CEP128: variants seen among roughly 807,000 people sequenced by gnomAD.
CEP128 encodes the protein centrosomal protein 128, also known as centrosomal protein 128kDa.
A neutral mutation model predicts 156.7 loss-of-function variants in CEP128; 132 were observed. The ratio of observed to expected loss-of-function variants is 0.84; its 90% CI spans 0.73 to 0.97. The LOEUF is 0.97. Among genes scored for constraint, CEP128 ranks in the 50% least tolerant of loss-of-function variants. CEP128 has a pLI of 0.00. For synonymous variants in CEP128, 469 were observed against 448.9 expected (o/e 1.04, Z -0.57); for missense variants, 1,252 against 1,281.9 (o/e 0.98, Z 0.36).
At chr14:80,829,356 A>T (rs1885657940) in intron 13 of CEP128, among the ~76,000 whole-genome samples, 1 of 152,244 alleles carries the variant, frequency 6.6e-6, no homozygotes, top group Non-Finnish European at 1.5e-5. Context: ...CTCAAAAAGA[A>T]ATTTATTCTT....
At chr14:80,677,634 A>G (rs1000974834) in intron 19 of CEP128, among the ~76,000 whole-genome samples, 1 of 152,166 alleles carries the variant, frequency 6.6e-6, no homozygotes, top group Non-Finnish European at 1.5e-5. Context: ...TAGTTAAAAA[A>G]AAAATCACTT....
At chr14:80,570,245 G>A (rs1891081463) in intron 20 of CEP128, among the ~76,000 whole-genome samples, 1 of 152,076 alleles carries the variant, frequency 6.6e-6, no homozygotes, top group Non-Finnish European at 1.5e-5. Flanking sequence ...AGCCTCCTGA[G>A]TAGCTGGGAC....
At position 80,522,974 on chromosome 14, in the gene CEP128, G is replaced by A. The variant is rs188819992; in HGVS notation, c.3072+3895C>T. 7.3e-4 allele frequency among the ~76,000 whole-genome samples: 111 copies of A among 152,328 alleles called. 2 individuals are homozygous for A. The South Asian group carries it at 0.013, about 17-fold the overall frequency. On this transcript the variant is annotated intron_variant, in intron 23 of 24. Transcript: ENST00000555265. ...TCTCACAATTGTGGATGTTGGTCCTGCTCAAAATCTTGACAGGCTTCTAGA... is the reference window on the plus strand; with the variant it reads ...TCTCACAATTGTGGATGTTGGTCCTACTCAAAATCTTGACAGGCTTCTAGA...
rs1472353882 is a variant in CEP128, at chr14:80,785,148, T to A, written c.1958A>T (p.Glu653Val). The stretch of plus-strand genomic sequence containing the variant: ...CACTGCTTTCTTGGCTCTCTCTTCC[T>A]CAGCCAATTTATTAGCAAGATCTGC... ...IRADLANKLA[E>V]EERAKKAVLK... The change falls in exon 15 of 25, where the codon GAG (glutamate) becomes GTG (valine). Residue 653 changes from glutamate to valine, a missense_variant. Glu to Val is a moderately radical substitution (Grantham distance 121, BLOSUM62 -2). Coordinates refer to ENST00000555265, the MANE Select transcript of CEP128 (RefSeq NM_152446.5). The A allele has an allele frequency of 6.2e-7, 1 of 1,614,178 alleles. No individual in the cohort carries two copies. Among genetic ancestry groups the A allele is most frequent in the East Asian group, 2.2e-5 (1 of 44,886 alleles).
intron 21 of CEP128, 137 bp from the exon 22 acceptor site, chr14:80,531,023 T>C (rs1308012298): frequency 2.5e-6 from 1 of 403,374 alleles, no homozygotes; most frequent in South Asian, 9.1e-5. Flanking sequence ...TAAGAACATA[T>C]ATAATAGTAT....
intron 19 of CEP128, among the ~76,000 whole-genome samples, chr14:80,705,532 G>A (rs1326283101): frequency 6.6e-6 from 1 of 152,118 alleles, no homozygotes; most frequent in Non-Finnish European, 1.5e-5. Context: ...AGAGGTTGAA[G>A]AAAAGTGGGG....
At chr14:80,583,785 G>C (rs1891689348) in intron 19 of CEP128, among the ~76,000 whole-genome samples, 1 of 152,038 alleles carries the variant, frequency 6.6e-6, no homozygotes, top group Non-Finnish European at 1.5e-5. Context: ...AGCTTTTGTT[G>C]GATTACTGCC....
chr14:80,901,430 A>G (rs1883556904), intron 6 of CEP128, among the ~76,000 whole-genome samples: 1 of 152,258 alleles, frequency 6.6e-6, no homozygotes, highest in Middle Eastern at 3.2e-3. Flanking sequence ...TATTAGTGCC[A>G]GCTACTGAGA....
intron 2 of CEP128, chr14:80,955,627 C>G (rs1158566944): frequency 1.2e-6 from 2 of 1,608,494 alleles, no homozygotes; most frequent in Non-Finnish European, 1.7e-6. Context: ...AGGTGCAGAG[C>G]TGAGAATGAG....
intron 19 of CEP128, among the ~76,000 whole-genome samples, chr14:80,632,822 A>AT (rs1894017448): frequency 6.6e-6 from 1 of 152,084 alleles, no homozygotes; most frequent in Non-Finnish European, 1.5e-5. Context: ...CATACATTCA[A>AT]TTTTTTAAAA....
At chr14:80,729,301 T>C (rs1898172289) in intron 19 of CEP128, among the ~76,000 whole-genome samples, 1 of 152,088 alleles carries the variant, frequency 6.6e-6, no homozygotes, top group Admixed American at 6.6e-5. Flanking sequence ...CTTAGAATAA[T>C]GGTCTCCAAC....
At chr14:80,934,437 A>G (rs139329694) in intron 2 of CEP128, among the ~76,000 whole-genome samples, 1 of 152,350 alleles carries the variant, frequency 6.6e-6, no homozygotes, top group Non-Finnish European at 1.5e-5. Flanking sequence ...TCAGAACATC[A>G]GAGGTACAAA....
upstream of CEP128, among the ~76,000 whole-genome samples, chr14:80,941,970 G>A (rs377011752): frequency 1.3e-5 from 2 of 151,752 alleles, no homozygotes; most frequent in African/African-American, 4.8e-5. Context: ...TTTGTTAAAG[G>A]ACCAGCCTCC....
At position 80,497,323 on chromosome 14, in the gene CEP128, G is replaced by C; in HGVS notation, c.*156C>G. The stretch of plus-strand genomic sequence containing the variant: ...TTTGGATTGGTTTACCATTCACAAG[G>C]ACCAACAGTATTGTCACTTTTGTCA... On this transcript the variant is annotated 3_prime_UTR_variant, in exon 25 of 25. Coordinates refer to ENST00000555265, the MANE Select transcript of CEP128 (RefSeq NM_152446.5). The C allele has an allele frequency of 5.1e-6, 3 of 587,594 alleles. No individual in the cohort carries two copies. The highest frequency in any genetic ancestry group is 3.0e-6 in the Non-Finnish European group (1 of 333,196). The allele number at this position is 587,594 out of a possible 1,614,324, so 36.4% of individuals were successfully genotyped here. A position where few individuals can be genotyped will look rare whatever the true frequency, so the allele number is the denominator to read the frequency against.
chr14:80,871,519 TGAAGA>T, intron 8 of CEP128, among the ~76,000 whole-genome samples: 1 of 152,194 alleles, frequency 6.6e-6, no homozygotes, highest in Admixed American at 6.5e-5. Context: ...CCTGAGACAG[TGAAGA>T]CCAAAGTAAG....
Position 80,895,609 on chromosome 14 carries a change from G to T in CEP128, c.645+109C>A, listed in dbSNP as rs1889308102. ...CAAGAACACACTTTTAGACAAAATG[G>T]GACATACCACCCAAAAGGTTAAACT... On this transcript the variant is annotated intron_variant, in intron 8 of 24. Coordinates refer to ENST00000555265, the MANE Select transcript of CEP128 (RefSeq NM_152446.5). 5 of 633,252 alleles carry T rather than the reference G, an allele frequency of 7.9e-6. No individual in the cohort carries two copies. In the South Asian group the frequency reaches 1.2e-4, roughly 15 times the overall value. 39.2% of individuals were successfully genotyped at this position (633,252 alleles called of 1,614,324 possible). A position where few individuals can be genotyped will look rare whatever the true frequency, so the allele number is the denominator to read the frequency against.
At chr14:80,912,215 CA>C (rs77091923) in intron 4 of CEP128, among the ~76,000 whole-genome samples, 7,209 of 124,404 alleles carry the variant, frequency 0.058, 194 homozygotes, top group Middle Eastern at 0.097. Flanking sequence ...GACTCCACCT[CA>C]AAAAAAAAAA....
intron 4 of CEP128, among the ~76,000 whole-genome samples, chr14:80,906,518 T>C (rs1215176130): frequency 6.6e-6 from 1 of 152,162 alleles, no homozygotes; most frequent in South Asian, 2.1e-4. Flanking sequence ...GCTGTCACAG[T>C]GACAGCTGCT....
intron 14 of CEP128, among the ~76,000 whole-genome samples, chr14:80,790,679 C>T (rs1311293865): frequency 6.6e-6 from 1 of 151,440 alleles, no homozygotes; most frequent in Non-Finnish European, 1.5e-5. Flanking sequence ...TACTAAGATT[C>T]CAGAAATGTA....
Sources: gnomAD v4.1 joint callset for allele counts (sites outside exome capture counted in the v4.1 genomes callset) on GRCh38, gnomAD v4.1.1 for gene constraint, MANE v1.5 for transcripts, NCBI Gene and HGNC (gene_info 2026-07-23, HGNC 2026-07-21) for gene names.